NRCAM: variants seen among roughly 807,000 people sequenced by gnomAD.
The protein encoded by NRCAM is neuronal cell adhesion molecule, also known as NgCAM-related cell adhesion molecule.
NRCAM carries 83 observed loss-of-function variants against 156.5 expected under a neutral mutation model. That is an observed-to-expected ratio of 0.53 (90% confidence interval 0.44 to 0.64). The LOEUF (loss-of-function observed/expected upper bound fraction) is 0.64, where lower values mean the gene tolerates loss of function less well. Ranked by LOEUF, NRCAM falls within the 30% of genes least tolerant of loss-of-function variation. The pLI, the probability that NRCAM is intolerant of heterozygous loss-of-function variation, is 0.00. For missense variants in NRCAM, 1,417 were observed against 1,597.3 expected (o/e 0.89, Z 1.92); for synonymous variants, 538 against 563.9 (o/e 0.95, Z 0.65).
chr7:108,393,288 G>A (rs1047097877), intron 2 of NRCAM, among the ~76,000 whole-genome samples: 10 of 152,192 alleles, frequency 6.6e-5, no homozygotes, highest in Non-Finnish European at 1.0e-4. Context: ...CCCCAGCCTC[G>A]CTGCCACCTT....
intron 2 of NRCAM, among the ~76,000 whole-genome samples, chr7:108,395,545 GCCTGT>G (rs1204225329): frequency 6.6e-6 from 1 of 152,158 alleles, no homozygotes; most frequent in Non-Finnish European, 1.5e-5. Context: ...TATGATCTGA[GCCTGT>G]TGGAATACTG....
intron 32 of NRCAM, among the ~76,000 whole-genome samples, chr7:108,150,534 A>T (rs777099084): frequency 3.9e-5 from 6 of 152,250 alleles, no homozygotes; most frequent in Non-Finnish European, 8.8e-5. Context: ...TTAGTATGTT[A>T]AACTGCATAA....
intron 2 of NRCAM, among the ~76,000 whole-genome samples, chr7:108,385,056 A>G (rs1185350780): frequency 2.6e-5 from 4 of 152,236 alleles, no homozygotes; most frequent in Non-Finnish European, 5.9e-5. Context: ...AGGCAGAACT[A>G]GACTCAAAAT....
At chr7:108,181,415 T>C (rs2063406433) in intron 24 of NRCAM, among the ~76,000 whole-genome samples, 1 of 152,140 alleles carries the variant, frequency 6.6e-6, no homozygotes, top group Non-Finnish European at 1.5e-5. Flanking sequence ...TATATGGTCT[T>C]AAAGTATATT....
chr7:108,413,323 GTCT>G (rs1797700353), intron 1 of NRCAM, among the ~76,000 whole-genome samples: 1 of 152,078 alleles, frequency 6.6e-6, no homozygotes, highest in Non-Finnish European at 1.5e-5. Flanking sequence ...CCATTTGTAT[GTCT>G]TCTTCTGAAA....
chr7:108,261,070 T>C (rs2096870946), intron 3 of NRCAM, among the ~76,000 whole-genome samples: 4 of 152,100 alleles, frequency 2.6e-5, no homozygotes, highest in African/African-American at 9.7e-5. Context: ...GGAGAAATGG[T>C]GGACAGAAAG....
At position 108,160,165 on chromosome 7, in the gene NRCAM, C is replaced by T. The variant is rs371075676; in HGVS notation, c.3598+196G>A. 5.9e-5 allele frequency among the ~76,000 whole-genome samples: 9 copies of T among 152,240 alleles called. No homozygotes were observed. In the East Asian group the frequency reaches 7.7e-4, roughly 13 times the overall value. ...CAGAGAACTGATTGATTTACTCCTC[C>T]AAATGCCTTATGATCATTGACAATG... is the stretch of plus-strand genomic sequence containing the variant. On this transcript the variant is annotated intron_variant, in intron 31 of 32. Coordinates refer to ENST00000379028, the MANE Select transcript of NRCAM (RefSeq NM_001037132.4).
At chr7:108,246,702 T>C (rs886753218) in intron 3 of NRCAM, among the ~76,000 whole-genome samples, 10 of 152,232 alleles carry the variant, frequency 6.6e-5, no homozygotes, top group African/African-American at 2.4e-4. Flanking sequence ...CCCCAAACAA[T>C]GTTCCAATTC....
At chr7:108,271,693 C>CA (rs200366639) in intron 3 of NRCAM, among the ~76,000 whole-genome samples, 7,402 of 126,326 alleles carry the variant, frequency 0.059, 262 homozygotes, top group East Asian at 0.17. Context: ...GACTCCACGT[C>CA]AAAAAAAAAA....
At chr7:108,191,155 AAC>A in intron 19 of NRCAM, 97 bp downstream of exon 19, 2 of 975,298 alleles carry the variant, frequency 2.1e-6, no homozygotes, top group Non-Finnish European at 3.1e-6. Flanking sequence ...TTCCTTAAGA[AAC>A]ACAATTATGT....
chr7:108,421,135 G>A (rs527279798), intron 1 of NRCAM, among the ~76,000 whole-genome samples: 1 of 152,184 alleles, frequency 6.6e-6, no homozygotes, highest in Admixed American at 6.5e-5. Flanking sequence ...CATTATGGTA[G>A]GTGCTTAGCG....
At chr7:108,357,700 A>G (rs1594940288) in intron 2 of NRCAM, among the ~76,000 whole-genome samples, 2 of 152,300 alleles carry the variant, frequency 1.3e-5, no homozygotes, top group East Asian at 3.9e-4. Context: ...TTCTATTTAT[A>G]TTAGACATGT....
chr7:108,230,513 A>G (rs1029562009), intron 8 of NRCAM, among the ~76,000 whole-genome samples: 1 of 152,110 alleles, frequency 6.6e-6, no homozygotes, highest in Non-Finnish European at 1.5e-5. Flanking sequence ...CTTTCCATTG[A>G]GTCCTGTGAC....
intron 1 of NRCAM, among the ~76,000 whole-genome samples, chr7:108,449,168 C>T (rs542729247): frequency 3.5e-4 from 53 of 152,314 alleles, no homozygotes; most frequent in African/African-American, 1.2e-3. Context: ...CCAAGTGCCT[C>T]GCTTGGGCAC....
At chr7:108,200,853 G>T (rs566829338) in intron 13 of NRCAM, among the ~76,000 whole-genome samples, 17 of 151,844 alleles carry the variant, frequency 1.1e-4, no homozygotes, top group Admixed American at 3.3e-4. Flanking sequence ...GATGGAATTG[G>T]AGATCATTAT....
At chr7:108,150,778 T>C (rs2041007618) in intron 32 of NRCAM, 1 of 514,432 alleles carries the variant, frequency 1.9e-6, no homozygotes, top group South Asian at 1.5e-5. Flanking sequence ...AAAATCCTTA[T>C]ACTGATAGTA....
intron 1 of NRCAM, among the ~76,000 whole-genome samples, chr7:108,445,678 T>C (rs918414467): frequency 2.6e-5 from 4 of 152,204 alleles, no homozygotes; most frequent in African/African-American, 9.7e-5. Flanking sequence ...CTTAAGTAAC[T>C]TTTCCAAAGC....
intron 32 of NRCAM, among the ~76,000 whole-genome samples, chr7:108,157,084 T>G (rs907162935): frequency 2.0e-5 from 3 of 152,140 alleles, no homozygotes; most frequent in Non-Finnish European, 2.9e-5. Flanking sequence ...CCTTATGAAC[T>G]TTTAGTTTCA....
intron 11 of NRCAM, among the ~76,000 whole-genome samples, chr7:108,222,810 AG>A (rs1288270667): frequency 6.6e-6 from 1 of 152,162 alleles, no homozygotes; most frequent in African/African-American, 2.4e-5. Flanking sequence ...CCAGGTTTTC[AG>A]CAGATGCGCC....
Sources: gnomAD v4.1 joint callset for allele counts (sites outside exome capture counted in the v4.1 genomes callset) on GRCh38, gnomAD v4.1.1 for gene constraint, MANE v1.5 for transcripts, NCBI Gene and HGNC (gene_info 2026-07-23, HGNC 2026-07-21) for gene names.